Variants in ACYP2 observed in about 807,000 individuals in gnomAD.
ACYP2 encodes the protein acylphosphatase-2.
In ACYP2, 12 loss-of-function variants were observed where a neutral mutation model predicts 11.2. That is an observed-to-expected ratio of 1.08 (90% CI 0.69 to 1.74). The LOEUF is 1.74. ACYP2 is among the 40% of genes most tolerant of loss of function. The probability of loss-of-function intolerance (pLI) is 0.00; values close to 1 mark genes in which losing one functional copy is unlikely to be tolerated. For synonymous variants in ACYP2, 43 were observed against 32.2 expected (o/e 1.33, Z -1.13); for missense variants, 134 against 101.9 (o/e 1.31, Z -1.35).
At chr2:54,196,068 G>T (rs569420172) in intron 6 of ACYP2, among the ~76,000 whole-genome samples, 290 of 152,138 alleles carry the variant, frequency 1.9e-3, no homozygotes, top group Non-Finnish European at 3.0e-3. Flanking sequence ...AAAGTGCTGG[G>T]ATTACGGGCA....
intron 4 of ACYP2, chr2:54,084,996 G>C (rs1440599298): frequency 1.3e-5 from 2 of 152,064 alleles, no homozygotes; most frequent in African/African-American, 4.8e-5. Context: ...TGAGGCGTGG[G>C]GAATGTTTCC....
chr2:54,037,812 A>G (rs996181761), intron 2 of ACYP2, among the ~76,000 whole-genome samples: 2 of 152,352 alleles, frequency 1.3e-5, no homozygotes, highest in African/African-American at 2.4e-5. Context: ...TTAATAAGCT[A>G]GGTGGTTATC....
chr2:54,232,844 G>T lies in ACYP2; in HGVS notation c.405-71844G>T, dbSNP rs116033016. 5.1e-3 allele frequency among the ~76,000 whole-genome samples: 773 copies of T among 152,070 alleles called. 1 individual carries two copies. Among genetic ancestry groups the T allele is most frequent in the Non-Finnish European group, 9.0e-3 (609 of 67,964 alleles). On this transcript the variant is annotated intron_variant, in intron 6 of 6. Transcript: ENST00000607452. ...CACAGGAACAGCAAGGGGGAAATCC[G>T]CCCCCAAGATGCAGTCACCTCCCAC...
chr2:54,109,605 T>G (rs1679349008), intron 4 of ACYP2, among the ~76,000 whole-genome samples: 1 of 152,190 alleles, frequency 6.6e-6, no homozygotes, highest in African/African-American at 2.4e-5. Context: ...GCCTGTATAC[T>G]GAAATGGTGA....
In ACYP2 at chr2:54,305,242, T is replaced by C. The variant is rs1689874576; in HGVS notation, c.*440T>C. The C allele has an allele frequency of 6.5e-6, 1 of 152,702 alleles. No homozygotes were observed. The allele number at this position is 152,702 out of a possible 1,614,324, so 9.5% of individuals were successfully genotyped here. ...AAACTCTTCAAAAAGAACCAGTGAT[T>C]AGAAATAAATGTGATGATCAATATA... On this transcript the variant is annotated 3_prime_UTR_variant, in exon 7 of 7. Coordinates refer to ENST00000607452, the MANE Select transcript of ACYP2 (RefSeq NM_001320586.2).
At chr2:54,082,628 A>G (rs1677727490) in intron 4 of ACYP2, 2 of 152,216 alleles carry the variant, frequency 1.3e-5, no homozygotes, top group South Asian at 2.1e-4. Flanking sequence ...CCATTTCTGC[A>G]TTGTCATGGT....
chr2:54,166,160 G>A (rs182440177), intron 6 of ACYP2, among the ~76,000 whole-genome samples: 13 of 152,242 alleles, frequency 8.5e-5, no homozygotes, highest in Admixed American at 1.3e-4. Flanking sequence ...AAGTGTGTGC[G>A]CTCCACTTGA....
intron 6 of ACYP2, among the ~76,000 whole-genome samples, chr2:54,141,352 G>A (rs980690860): frequency 1.3e-5 from 2 of 152,114 alleles, no homozygotes; most frequent in Non-Finnish European, 2.9e-5. Flanking sequence ...CAGATTGTAA[G>A]TGTTGTCGCC....
chr2:54,292,669 TACACACACACACACACACACACACAC>T (rs3071218), intron 6 of ACYP2, among the ~76,000 whole-genome samples: 1 of 148,976 alleles, frequency 6.7e-6, no homozygotes. Flanking sequence ...TATATATGTA[TACACACACACACACACACACACACAC>T]ACACACACAC....
intron 6 of ACYP2, among the ~76,000 whole-genome samples, chr2:54,208,529 T>A (rs1372552929): frequency 6.6e-6 from 1 of 152,062 alleles, no homozygotes; most frequent in African/African-American, 2.4e-5. Context: ...ACTCCCAGGG[T>A]TGGGCAGGAA....
intron 2 of ACYP2, among the ~76,000 whole-genome samples, chr2:54,002,498 AC>A (rs1432484693): frequency 1.3e-5 from 2 of 151,740 alleles, no homozygotes; most frequent in African/African-American, 4.8e-5. Flanking sequence ...AGTGCACACC[AC>A]CATGCCCGGC....
chr2:54,195,945 C>G lies in ACYP2; in HGVS notation c.404+57197C>G, dbSNP rs561930970. Among the ~76,000 whole-genome samples, 8 of 151,826 alleles carry G rather than the reference C, an allele frequency of 5.3e-5. 1 individual carries two copies. Among genetic ancestry groups the G allele is most frequent in the African/African-American group, 1.9e-4 (8 of 41,424 alleles). ...CCTGAGTAGCTGGGATTACAAGCGC[C>G]TGCCACCACACTCAGCTAATTTTTG... On this transcript the variant is annotated intron_variant, in intron 6 of 6. Transcript: ENST00000607452.
chr2:54,156,915 G>A (rs1384552627), intron 6 of ACYP2, among the ~76,000 whole-genome samples: 2 of 152,082 alleles, frequency 1.3e-5, no homozygotes, highest in South Asian at 2.1e-4. Context: ...TGATCCACCC[G>A]CCTCGGCCTC....
At chr2:54,303,394 T>A (rs1689802044) in intron 6 of ACYP2, among the ~76,000 whole-genome samples, 1 of 148,090 alleles carries the variant, frequency 6.8e-6, no homozygotes, top group Non-Finnish European at 1.5e-5. Context: ...GCTTAATAAA[T>A]TTTAGCTTTC....
chr2:54,272,360 G>A (rs1688346661), intron 6 of ACYP2, among the ~76,000 whole-genome samples: 1 of 152,220 alleles, frequency 6.6e-6, no homozygotes, highest in South Asian at 2.1e-4. Context: ...ACTTTGGCCA[G>A]TGATCTATGA....
At chr2:54,055,260 C>A (rs1454319756) in intron 3 of ACYP2, among the ~76,000 whole-genome samples, 1 of 152,154 alleles carries the variant, frequency 6.6e-6, no homozygotes, top group Non-Finnish European at 1.5e-5. Context: ...TGGTCTAGAA[C>A]TCCTGACCTC....
chr2:54,213,838 G>A (rs1051206805), intron 6 of ACYP2, among the ~76,000 whole-genome samples: 7 of 151,708 alleles, frequency 4.6e-5, no homozygotes, highest in African/African-American at 1.7e-4. Flanking sequence ...CATGAACGCT[G>A]CTCACTATAG....
intron 2 of ACYP2, among the ~76,000 whole-genome samples, chr2:54,016,850 C>G (rs375963077): frequency 6.6e-6 from 1 of 151,622 alleles, no homozygotes; most frequent in Non-Finnish European, 1.5e-5. Flanking sequence ...CTCAGCCTCC[C>G]GAGTAGCTGG....
At chr2:54,277,184 G>A (rs116172510) in intron 6 of ACYP2, among the ~76,000 whole-genome samples, 3,912 of 152,148 alleles carry the variant, frequency 0.026, 91 homozygotes, top group Non-Finnish European at 0.035. Context: ...CATTTTATTT[G>A]TTTACCTATT....
Sources: gnomAD v4.1 joint callset for allele counts (sites outside exome capture counted in the v4.1 genomes callset) on GRCh38, gnomAD v4.1.1 for gene constraint, MANE v1.5 for transcripts, NCBI Gene and HGNC (gene_info 2026-07-23, HGNC 2026-07-21) for gene names.